Variants in ARHGEF3 observed in about 807,000 individuals in gnomAD.
The protein encoded by ARHGEF3 is 59.8 kDA protein.
ARHGEF3 carries 28 observed loss-of-function variants against 63.2 expected under a neutral mutation model. The observed-to-expected ratio is 0.44, with a 90% CI of 0.33 to 0.61. ARHGEF3 has a LOEUF of 0.61. Among genes scored for constraint, ARHGEF3 ranks in the 20% least tolerant of loss-of-function variants. The pLI is 0.03. For synonymous variants in ARHGEF3, 266 were observed against 254.2 expected (o/e 1.05, Z -0.44); for missense variants, 533 against 659.3 (o/e 0.81, Z 2.10).
intron 4 of ARHGEF3, among the ~76,000 whole-genome samples, chr3:56,830,113 T>C (rs973286336): frequency 6.6e-6 from 1 of 152,190 alleles, no homozygotes; most frequent in Non-Finnish European, 1.5e-5. Flanking sequence ...GGGGTTTCAA[T>C]ACAAGTAGTA....
chr3:56,882,815 C>A lies in ARHGEF3; in HGVS notation c.130-461G>T, dbSNP rs139280982. Among the ~76,000 whole-genome samples the A allele has an allele frequency of 6.6e-5, 10 of 152,238 alleles. No individual in the cohort carries two copies. The East Asian group carries it at 1.9e-3, about 29-fold the overall frequency. ...TACAGGCATGAGCCACTGCGCCCAGCCTATAAATGAACACTTCTAAGAAAG... is the reference window on the plus strand; with the variant it reads ...TACAGGCATGAGCCACTGCGCCCAGACTATAAATGAACACTTCTAAGAAAG... On this transcript the variant is annotated intron_variant, in intron 3 of 12. Transcript: ENST00000338458.
intron 3 of ARHGEF3, among the ~76,000 whole-genome samples, chr3:56,940,384 A>C (rs1008137428): frequency 6.6e-6 from 1 of 152,238 alleles, no homozygotes; most frequent in Non-Finnish European, 1.5e-5. Context: ...CAAAACGATA[A>C]CTATATAAAA....
chr3:56,920,312 C>T (rs933651791), intron 3 of ARHGEF3, among the ~76,000 whole-genome samples: 1 of 152,162 alleles, frequency 6.6e-6, no homozygotes, highest in Non-Finnish European at 1.5e-5. Context: ...TCTTGTTGGG[C>T]TCTAAAGAGA....
intron 2 of ARHGEF3, among the ~76,000 whole-genome samples, chr3:57,009,759 A>T (rs1204080250): frequency 6.6e-6 from 1 of 152,160 alleles, no homozygotes; most frequent in Non-Finnish European, 1.5e-5. Context: ...ACAAGCCAAG[A>T]GACACAGGAT....
intron 3 of ARHGEF3, among the ~76,000 whole-genome samples, chr3:56,901,362 G>A (rs2041497076): frequency 1.5e-5 from 2 of 131,028 alleles, no homozygotes; most frequent in South Asian, 4.8e-4. Context: ...ACAAGAGAGT[G>A]GCAAAGTATG....
At chr3:57,043,681 T>G (rs1704326213) in intron 1 of ARHGEF3, among the ~76,000 whole-genome samples, 2 of 152,072 alleles carry the variant, frequency 1.3e-5, no homozygotes, top group Non-Finnish European at 2.9e-5. Flanking sequence ...CCAGGGCTTC[T>G]CTGGATAAAG....
chr3:56,819,618 C>A, intron 4 of ARHGEF3, among the ~76,000 whole-genome samples: 1 of 151,426 alleles, frequency 6.6e-6, no homozygotes, highest in Admixed American at 6.6e-5. Flanking sequence ...CTCAAGTGAT[C>A]CTCCCATCTC....
At chr3:56,904,380 G>T (rs2041621031) in intron 3 of ARHGEF3, among the ~76,000 whole-genome samples, 1 of 152,098 alleles carries the variant, frequency 6.6e-6, no homozygotes, top group African/African-American at 2.4e-5. Flanking sequence ...TGACAGGATG[G>T]TCTCAAACTT....
intron 3 of ARHGEF3, among the ~76,000 whole-genome samples, chr3:56,894,563 G>A (rs780418389): frequency 2.4e-4 from 36 of 152,258 alleles, no homozygotes; most frequent in Non-Finnish European, 3.8e-4. Flanking sequence ...GCCAAGCAGG[G>A]AGGACTGCTT....
intron 4 of ARHGEF3, among the ~76,000 whole-genome samples, chr3:56,860,944 G>A (rs1320203457): frequency 1.3e-5 from 2 of 152,176 alleles, no homozygotes; most frequent in East Asian, 3.8e-4. Flanking sequence ...AAGAAGATCT[G>A]CCTTTATGAG....
chr3:56,838,236 G>A (rs904044260), intron 4 of ARHGEF3, among the ~76,000 whole-genome samples: 1 of 151,986 alleles, frequency 6.6e-6, no homozygotes, highest in Admixed American at 6.6e-5. Context: ...CTGTGGGGGG[G>A]AATAATTAAA....
chr3:56,931,316 T>C (rs1178246501), intron 3 of ARHGEF3, among the ~76,000 whole-genome samples: 11 of 152,102 alleles, frequency 7.2e-5, no homozygotes, highest in Admixed American at 7.2e-4. Flanking sequence ...TGGCTCACGC[T>C]TGTAATCCTA....
chr3:57,005,702 C>T (rs949305863), intron 2 of ARHGEF3, among the ~76,000 whole-genome samples: 23 of 152,270 alleles, frequency 1.5e-4, no homozygotes, highest in African/African-American at 5.3e-4. Context: ...AAACTGGGTC[C>T]TTGAAGGAGT....
chr3:57,024,130 A>G (rs949596282), intron 2 of ARHGEF3, among the ~76,000 whole-genome samples: 7 of 152,150 alleles, frequency 4.6e-5, no homozygotes, highest in African/African-American at 1.7e-4. Context: ...GCATACACAC[A>G]GCACTCGGGA....
At chr3:56,903,357 T>C (rs1475808184) in intron 3 of ARHGEF3, among the ~76,000 whole-genome samples, 1 of 152,216 alleles carries the variant, frequency 6.6e-6, no homozygotes, top group Admixed American at 6.5e-5. Flanking sequence ...CCAGGCATGC[T>C]GAAAATGTGA....
chr3:56,906,523 T>C (rs1240293220), intron 3 of ARHGEF3, among the ~76,000 whole-genome samples: 2 of 152,198 alleles, frequency 1.3e-5, no homozygotes, highest in Non-Finnish European at 2.9e-5. Context: ...ACAATTTTTA[T>C]AGCTATTGCA....
chr3:56,792,857 T>C (rs2037156007), intron 1 of ARHGEF3, among the ~76,000 whole-genome samples: 1 of 152,088 alleles, frequency 6.6e-6, no homozygotes, highest in Admixed American at 6.5e-5. Context: ...CTTGCTATGT[T>C]GCGCAGGCTG....
At chr3:57,050,035 C>G (rs1300707031) in intron 1 of ARHGEF3, among the ~76,000 whole-genome samples, 2 of 152,168 alleles carry the variant, frequency 1.3e-5, no homozygotes, top group African/African-American at 2.4e-5. Context: ...TCAGAACACC[C>G]TTATCCACCC....
intron 1 of ARHGEF3, among the ~76,000 whole-genome samples, chr3:57,069,926 T>C (rs1705791365): frequency 6.6e-6 from 1 of 152,260 alleles, no homozygotes; most frequent in Non-Finnish European, 1.5e-5. Flanking sequence ...ATTACAGGCA[T>C]GAGCCACTGC....
Sources: allele counts gnomAD v4.1 joint callset (sites outside exome capture counted in the v4.1 genomes callset), GRCh38; gene constraint gnomAD v4.1.1; transcripts MANE v1.5; gene names NCBI Gene and HGNC (gene_info 2026-07-23, HGNC 2026-07-21).